The following OTC variants were observed in gnomAD, a reference collection of about 807,000 sequenced individuals.
OTC encodes ornithine transcarbamylase.
In OTC, 3 loss-of-function variants were observed where a neutral mutation model predicts 30.3. The observed-to-expected ratio is 0.10, with a 90% CI of 0.05 to 0.26. The LOEUF is 0.26. Ranked by LOEUF, OTC falls within the 10% of genes least tolerant of loss-of-function variation. The probability of loss-of-function intolerance (pLI) is 1.00; values close to 1 mark genes in which losing one functional copy is unlikely to be tolerated. For missense variants in OTC, 194 were observed against 260.3 expected, an observed-to-expected ratio of 0.75 and a Z score of 1.75; for synonymous variants, 111 against 99.7, an observed-to-expected ratio of 1.11 and a Z score of -0.67.
intron 8 of OTC, among the ~76,000 whole-genome samples, chrX:38,409,627 G>A (rs967069212): frequency 8.9e-6 from 1 of 112,216 alleles, no homozygotes; most frequent in African/African-American, 3.2e-5. Flanking sequence ...CTGAGAATCT[G>A]CATTTCTACC....
At chrX:38,339,290 C>T in the OTC span, among the ~76,000 whole-genome samples, 1 of 111,362 alleles carries the variant, frequency 9.0e-6, no homozygotes, top group Non-Finnish European at 1.9e-5. Context: ...ATGTCTAATG[C>T]TCTGTCATCT....
the OTC span, among the ~76,000 whole-genome samples, chrX:38,337,022 C>A: frequency 1.8e-5 from 2 of 111,761 alleles, no homozygotes; most frequent in Non-Finnish European, 1.9e-5. Context: ...TCCTCCATTT[C>A]CTGATCGTTG....
chrX:38,336,467 T>C, the OTC span, among the ~76,000 whole-genome samples: 20 of 107,246 alleles, frequency 1.9e-4, no homozygotes, highest in East Asian at 4.6e-3. Context: ...CATAGGTATC[T>C]AGTATTTGAG....
chrX:38,410,521 A>G (rs1173511338), intron 8 of OTC, among the ~76,000 whole-genome samples: 1 of 112,279 alleles, frequency 8.9e-6, no homozygotes, highest in Non-Finnish European at 1.9e-5. Flanking sequence ...ATTACTAATG[A>G]AGTTAAGCAT....
chrX:38,408,813 A>G lies in OTC; in HGVS notation c.717+18A>G. ...CCAAAGAGGTATGCTCTTTACATGT[A>G]AAGCTATTATTGCCTTTTACTGTCC... On this transcript the variant is annotated intron_variant, in intron 7 of 9. Transcript: ENST00000039007. 8.3e-7 allele frequency: 1 copy of G among 1,206,493 alleles called. No individual in the cohort carries two copies. The highest frequency in any genetic ancestry group is 1.7e-5 in the African/African-American group (1 of 57,728).
Position 38,381,398 on chromosome X carries a change from G to A in OTC, c.355G>A (p.Gly119Ser). 8.3e-7 allele frequency: 1 copy of A among 1,200,523 alleles called. No homozygotes were observed. Among genetic ancestry groups the A allele is most frequent in the Non-Finnish European group, 1.1e-6 (1 of 886,197 alleles). Residue 119 changes from glycine (G) to serine (S), a missense_variant, in exon 4 of 10, where the codon GGT (glycine) becomes AGT (serine). Coordinates refer to ENST00000039007, the MANE Select transcript of OTC (RefSeq NM_000531.6). ...CFLTTQDIHL[G>S]VNESLTDTAR... is the part of the protein sequence containing the mutation. ...TCTTACCACACAAGATATTCATTTGGGTGTGAATGAAAGTCTCACGGACAC... is the reference window on the plus strand; with the variant it reads ...TCTTACCACACAAGATATTCATTTGAGTGTGAATGAAAGTCTCACGGACAC...
At chrX:38,399,430 T>A (rs759509487) in intron 4 of OTC, among the ~76,000 whole-genome samples, 9 of 111,324 alleles carry the variant, frequency 8.1e-5, no homozygotes, top group African/African-American at 2.6e-4. Context: ...ATAGAGAATA[T>A]GGCCTGGGCA....
chrX:38,380,727 ATTT>A (rs1569275318), intron 3 of OTC, among the ~76,000 whole-genome samples: 1 of 111,848 alleles, frequency 8.9e-6, no homozygotes, highest in Non-Finnish European at 1.9e-5. Flanking sequence ...CATATATTTT[ATTT>A]TATTTTTTAT....
At chrX:38,408,675 A>T (rs1361725557) in intron 6 of OTC, 67 bp from the exon 7 acceptor site, 9 of 725,738 alleles carry the variant, frequency 1.2e-5, no homozygotes, top group Non-Finnish European at 1.9e-5. Flanking sequence ...AAAAGAAAAT[A>T]ATATATATTT....
At chrX:38,330,479 C>T in the OTC span, among the ~76,000 whole-genome samples, 25 of 112,537 alleles carry the variant, frequency 2.2e-4, no homozygotes, top group Middle Eastern at 4.6e-3. Flanking sequence ...AAATGAAGTA[C>T]TAACTTCAGT....
At chrX:38,388,596 T>C (rs2068415818) in intron 4 of OTC, among the ~76,000 whole-genome samples, 1 of 111,377 alleles carries the variant, frequency 9.0e-6, no homozygotes, top group African/African-American at 3.3e-5. Flanking sequence ...TTCAAGGCTT[T>C]CTGTTTCTTC....
At chrX:38,383,521 G>A (rs1458278551) in intron 4 of OTC, among the ~76,000 whole-genome samples, 1 of 112,201 alleles carries the variant, frequency 8.9e-6, no homozygotes, top group African/African-American at 3.2e-5. Context: ...TATTGGGCTG[G>A]GCGTGGTGGC....
At chrX:38,341,726 T>A in the OTC span, among the ~76,000 whole-genome samples, 5 of 111,514 alleles carry the variant, frequency 4.5e-5, no homozygotes, top group African/African-American at 1.6e-4. Flanking sequence ...ATGGGATAGG[T>A]TGGTTAGCAT....
At chrX:38,395,827 G>A (rs1328719263) in intron 4 of OTC, 2 of 111,524 alleles carry the variant, frequency 1.8e-5, no homozygotes, top group Non-Finnish European at 3.8e-5. Flanking sequence ...AGTTATGGTG[G>A]CCCAACCCAA....
the OTC span, among the ~76,000 whole-genome samples, chrX:38,337,768 TA>T: frequency 8.9e-6 from 1 of 111,807 alleles, no homozygotes; most frequent in Non-Finnish European, 1.9e-5. Flanking sequence ...CATTATAAAC[TA>T]GAAATCTGGA....
the OTC span, among the ~76,000 whole-genome samples, chrX:38,330,176 C>T: frequency 1.8e-5 from 2 of 111,593 alleles, no homozygotes; most frequent in East Asian, 2.8e-4. Flanking sequence ...GATACAACAG[C>T]GCTGGCTGTG....
At chrX:38,337,180 A>G in the OTC span, among the ~76,000 whole-genome samples, 2 of 110,854 alleles carry the variant, frequency 1.8e-5, no homozygotes, top group African/African-American at 6.6e-5. Context: ...CCTGGTAGAA[A>G]CCTCTTGGTT....
intron 4 of OTC, among the ~76,000 whole-genome samples, chrX:38,400,160 T>C (rs1464045211): frequency 9.0e-6 from 1 of 111,533 alleles, no homozygotes; most frequent in Non-Finnish European, 1.9e-5. Flanking sequence ...CTTAATTTGG[T>C]AAATAAAGAG....
intron 6 of OTC, 38 bp downstream of exon 6, chrX:38,403,778 T>C: frequency 8.4e-7 from 1 of 1,191,021 alleles, no homozygotes; most frequent in Non-Finnish European, 1.1e-6. Context: ...ACCCCTCTCT[T>C]AAATCATCCT....
Sources: allele counts gnomAD v4.1 joint callset (sites outside exome capture counted in the v4.1 genomes callset), GRCh38; gene constraint gnomAD v4.1.1; transcripts MANE v1.5; gene names NCBI Gene and HGNC (gene_info 2026-07-23, HGNC 2026-07-21).